CHSY1: variants seen among roughly 807,000 people sequenced by gnomAD.
CHSY1 encodes the protein chondroitin sulfate synthase 1.
In CHSY1, 13 loss-of-function variants were observed where a neutral mutation model predicts 59.8. The observed-to-expected ratio is 0.22, with a 90% confidence interval of 0.14 to 0.35. CHSY1 has a LOEUF of 0.35. Ranked by LOEUF, CHSY1 falls within the 10% of genes least tolerant of loss-of-function variation. CHSY1 has a pLI of 1.00. For synonymous variants in CHSY1, 459 were observed against 401.2 expected (o/e 1.14, Z -1.72); for missense variants, 947 against 1,030.6 (o/e 0.92, Z 1.11).
At chr15:101,224,535 G>T (rs909777992) in intron 2 of CHSY1, among the ~76,000 whole-genome samples, 1 of 152,190 alleles carries the variant, frequency 6.6e-6, no homozygotes, top group African/African-American at 2.4e-5. Flanking sequence ...ACTAGCAAGT[G>T]TAAGATTCAC....
chr15:101,181,276 G>A (rs767095465), intron 2 of CHSY1, among the ~76,000 whole-genome samples: 4 of 152,232 alleles, frequency 2.6e-5, no homozygotes, highest in Non-Finnish European at 5.9e-5. Flanking sequence ...GCAGAGTCAT[G>A]ACTGTCTGCT....
In CHSY1 at chr15:101,251,174, G is replaced by C. The variant is rs999014014; in HGVS notation, c.283C>G (p.Gln95Glu). Residue 95 changes from glutamine (Q) to glutamate (E), a missense_variant, in exon 1 of 3, where the codon CAG (glutamine) becomes GAG (glutamate). Gln to Glu is a conservative substitution (Grantham distance 29). Transcript: ENST00000254190. ...NFLFVGVMTA[Q>E]KYLQTRAVAA... Reference sequence around the variant, plus strand: ...ACGGCCCGAGTCTGCAGGTATTTCTGGGCGGTCATGACTCCCACGAAGAGA... The same window carrying C: ...ACGGCCCGAGTCTGCAGGTATTTCTCGGCGGTCATGACTCCCACGAAGAGA... The C allele has an allele frequency of 1.3e-6, 2 of 1,598,730 alleles. No individual in the cohort carries two copies. The highest frequency in any genetic ancestry group is 2.7e-5 in the African/African-American group (2 of 74,592).
intron 2 of CHSY1, among the ~76,000 whole-genome samples, chr15:101,230,325 C>T (rs1248650409): frequency 6.6e-6 from 1 of 152,112 alleles, no homozygotes; most frequent in Admixed American, 6.5e-5. Context: ...CTCAGGCCTG[C>T]GAGTTTAACG....
chr15:101,182,733 C>G (rs1163853109), intron 2 of CHSY1, among the ~76,000 whole-genome samples: 2 of 152,160 alleles, frequency 1.3e-5, no homozygotes, highest in African/African-American at 4.8e-5. Context: ...TACCTAGAGT[C>G]TGCCAACAAA....
intron 2 of CHSY1, among the ~76,000 whole-genome samples, chr15:101,231,797 T>C (rs1342308711): frequency 6.6e-6 from 1 of 152,224 alleles, no homozygotes; most frequent in Non-Finnish European, 1.5e-5. Context: ...AAGAGTAGTA[T>C]AGCTTTTCAT....
chr15:101,213,814 C>T lies in CHSY1; in HGVS notation c.816+21268G>A, dbSNP rs115887719. 6.8e-3 allele frequency among the ~76,000 whole-genome samples: 1,038 copies of T among 152,348 alleles called. 11 individuals carry two copies. The highest frequency in any genetic ancestry group is 0.023 in the African/African-American group (953 of 41,562). ...AGCAAACTCCCACATTACATATTTA[C>T]ATAGTTCCTACTGTGTGTAATTTCC... is the stretch of plus-strand genomic sequence containing the variant. On this transcript the variant is annotated intron_variant, in intron 2 of 2. Coordinates refer to ENST00000254190, the MANE Select transcript of CHSY1 (RefSeq NM_014918.5).
intron 2 of CHSY1, among the ~76,000 whole-genome samples, chr15:101,233,949 G>A (rs1216477851): frequency 1.3e-5 from 2 of 152,166 alleles, no homozygotes; most frequent in Non-Finnish European, 2.9e-5. Context: ...TTTTTCTTGG[G>A]CAAAAGATCT....
chr15:101,233,567 C>T (rs771940791), intron 2 of CHSY1, among the ~76,000 whole-genome samples: 1 of 152,306 alleles, frequency 6.6e-6, no homozygotes. Context: ...CCTCAAACAG[C>T]TTTCCTCGCT....
intron 2 of CHSY1, among the ~76,000 whole-genome samples, chr15:101,207,531 T>C (rs1363942315): frequency 6.6e-6 from 1 of 152,202 alleles, no homozygotes; most frequent in Non-Finnish European, 1.5e-5. Flanking sequence ...ATCTGTTAAT[T>C]CATCAAACAC....
At chr15:101,239,091 T>C (rs2038976364) in intron 1 of CHSY1, among the ~76,000 whole-genome samples, 2 of 152,214 alleles carry the variant, frequency 1.3e-5, no homozygotes, top group African/African-American at 4.8e-5. Context: ...GAGCCCCTGA[T>C]AATGCTCTCT....
chr15:101,217,067 G>A (rs2038741029), intron 2 of CHSY1, among the ~76,000 whole-genome samples: 1 of 152,186 alleles, frequency 6.6e-6, no homozygotes, highest in Admixed American at 6.5e-5. Context: ...AAAAGAAAAT[G>A]TACATAAGCA....
chr15:101,251,362 G>T lies in CHSY1; in HGVS notation c.95C>A (p.Ser32Tyr). 8.6e-7 allele frequency: 1 copy of T among 1,158,410 alleles called. No individual in the cohort carries two copies. 71.8% of individuals were successfully genotyped at this position (1,158,410 alleles called of 1,614,324 possible). ...LASRLVLPRA[S>Y]ELKRAGPRRR... ...CCGTGGGCCCGCTCGCTTCAGCTCG[G>T]AAGCCCGGGGCAGGACGAGCCGCGA... The change falls in exon 1 of 3, where the codon TCC (serine) becomes TAC (tyrosine). Residue 32 changes from serine to tyrosine, a missense_variant. Physicochemically the swap from Ser to Tyr is moderately radical, Grantham distance 144 (BLOSUM62 -2). Coordinates refer to ENST00000254190, the MANE Select transcript of CHSY1 (RefSeq NM_014918.5).
At chr15:101,247,463 C>T (rs974847018) in intron 1 of CHSY1, among the ~76,000 whole-genome samples, 2 of 152,122 alleles carry the variant, frequency 1.3e-5, no homozygotes, top group Non-Finnish European at 2.9e-5. Flanking sequence ...TTTTTAGTGT[C>T]GTCCCTCTGA....
chr15:101,241,232 A>C (rs2038998566), intron 1 of CHSY1, among the ~76,000 whole-genome samples: 1 of 152,198 alleles, frequency 6.6e-6, no homozygotes, highest in South Asian at 2.1e-4. Context: ...CTGGGATTAC[A>C]GGCACCTGCC....
chr15:101,209,979 G>A (rs1033471671), intron 2 of CHSY1, among the ~76,000 whole-genome samples: 3 of 152,150 alleles, frequency 2.0e-5, no homozygotes, highest in African/African-American at 4.8e-5. Flanking sequence ...AGTTAGTGTC[G>A]TTAAAATACT....
chr15:101,204,327 G>A (rs141914720), intron 2 of CHSY1, among the ~76,000 whole-genome samples: 5 of 151,484 alleles, frequency 3.3e-5, no homozygotes, highest in African/African-American at 1.2e-4. Context: ...CCAGCTACTC[G>A]GGAGGGTGAG....
At chr15:101,207,646 CA>C (rs2038640298) in intron 2 of CHSY1, among the ~76,000 whole-genome samples, 1 of 152,102 alleles carries the variant, frequency 6.6e-6, no homozygotes, top group Non-Finnish European at 1.5e-5. Flanking sequence ...AATAAACACT[CA>C]AAGAAAATAG....
At chr15:101,248,815 C>A (rs567445559) in intron 1 of CHSY1, among the ~76,000 whole-genome samples, 1 of 152,156 alleles carries the variant, frequency 6.6e-6, no homozygotes, top group African/African-American at 2.4e-5. Flanking sequence ...GAGACGGAGT[C>A]TTGCTCTGCC....
chr15:101,249,543 TCA>T (rs1480100167), intron 1 of CHSY1, among the ~76,000 whole-genome samples: 1 of 133,010 alleles, frequency 7.5e-6, no homozygotes, highest in Admixed American at 8.4e-5. Context: ...AGATGGAGTC[TCA>T]CTCTGTAGCC....
Sources: gnomAD v4.1 joint callset for allele counts (sites outside exome capture counted in the v4.1 genomes callset) on GRCh38, gnomAD v4.1.1 for gene constraint, MANE v1.5 for transcripts, NCBI Gene and HGNC (gene_info 2026-07-23, HGNC 2026-07-21) for gene names.